Variants in HCN2 observed in about 807,000 individuals in gnomAD.
The protein encoded by HCN2 is hyperpolarization activated cyclic nucleotide gated potassium and sodium channel 2.
A neutral mutation model predicts 52.3 loss-of-function variants in HCN2; 20 were observed. The ratio of observed to expected loss-of-function variants is 0.38; its 90% CI spans 0.27 to 0.56. The LOEUF (loss-of-function observed/expected upper bound fraction) is 0.56. HCN2 is among the 20% of genes least tolerant of loss of function. The pLI is 0.71. For missense variants in HCN2, 981 were observed against 1,207.7 expected (o/e 0.81, Z 2.78); for synonymous variants, 694 against 537.0 (o/e 1.29, Z -4.04).
In HCN2 at chr19:603,625, T is replaced by C. The variant is rs56342526; in HGVS notation, c.714T>C (p.Asp238=). ...IIPVGITFFK[D]ETTAPWIVFN... Reference sequence around the variant, plus strand: ...CAGTGGGCATCACCTTCTTCAAGGATGAGACCACTGCCCCGTGGATCGTGT... The same window carrying C: ...CAGTGGGCATCACCTTCTTCAAGGACGAGACCACTGCCCCGTGGATCGTGT... Residue 238 remains aspartate, a synonymous_variant, in exon 2 of 8, where the codon GAT becomes GAC. Transcript: ENST00000251287. The C allele has an allele frequency of 0.13, 211,109 of 1,606,572 alleles. 18,760 individuals carry two copies. The highest frequency in any genetic ancestry group is 0.36 in the South Asian group (32,788 of 90,562).
chr19:590,865 C>T lies in HCN2; in HGVS notation c.632+288C>T, dbSNP rs1181463683. 1 of 224,600 alleles carries T rather than the reference C, an allele frequency of 4.5e-6. No homozygotes were observed. Among genetic ancestry groups the T allele is most frequent in the African/African-American group, 2.3e-5 (1 of 43,444 alleles). The allele number at this position is 224,600 out of a possible 1,614,324, so 13.9% of individuals were successfully genotyped here. On this transcript the variant is annotated intron_variant, in intron 1 of 7. Transcript: ENST00000251287. The surrounding 1 kb of genome is among the most constrained non-coding windows in gnomAD (Gnocchi z 7.2). Reference sequence around the variant, plus strand: ...GTGGGGTGGGCCGCAGGGCCAGGGTCTGAGCGCAGAGGGGCAGAGAGGACG... The same window carrying T: ...GTGGGGTGGGCCGCAGGGCCAGGGTTTGAGCGCAGAGGGGCAGAGAGGACG...
intron 1 of HCN2, among the ~76,000 whole-genome samples, chr19:602,962 C>G (rs896082103): frequency 5.3e-5 from 5 of 94,362 alleles, no homozygotes; most frequent in Non-Finnish European, 1.2e-4. Context: ...GGGGAAGGCA[C>G]CGGCCTGAGC....
chr19:595,942 C>T (rs1983017372), intron 1 of HCN2, among the ~76,000 whole-genome samples: 1 of 152,156 alleles, frequency 6.6e-6, no homozygotes, highest in South Asian at 2.1e-4. Context: ...GCGGGGAGGG[C>T]CTGGCTGCCC....
At chr19:612,481 T>G (rs1490897966) in intron 5 of HCN2, among the ~76,000 whole-genome samples, 1 of 151,432 alleles carries the variant, frequency 6.6e-6, no homozygotes, top group African/African-American at 2.4e-5. Context: ...AGTTGTGTGA[T>G]CTTGGTTCAC....
At position 590,438 on chromosome 19, in the gene HCN2, C is replaced by T; in HGVS notation, c.493C>T (p.Arg165Cys). The part of the protein sequence containing the change: ...PRGSQASFMQ[R>C]QFGALLQPGV... Reference sequence around the variant, plus strand: ...CGGCAGCCAGGCCAGCTTCATGCAGCGCCAGTTCGGCGCGCTCCTGCAGCC... The same window carrying T: ...CGGCAGCCAGGCCAGCTTCATGCAGTGCCAGTTCGGCGCGCTCCTGCAGCC... The change falls in exon 1 of 8, where the codon CGC (arginine) becomes TGC (cysteine). Residue 165 changes from arginine to cysteine, a missense_variant. Physicochemically the swap from Arg to Cys is radical, Grantham distance 180. Around this residue, in one of 6 missense-constraint regions of HCN2, gnomAD observed 215 missense variants for 179.4 expected, o/e 1.20. Transcript: ENST00000251287. The surrounding 1 kb of genome is among the most constrained non-coding windows in gnomAD (Gnocchi z 7.2). 6.7e-7 allele frequency: 1 copy of T among 1,496,786 alleles called. No individual in the cohort carries two copies. Among genetic ancestry groups the T allele is most frequent in the Non-Finnish European group, 9.0e-7 (1 of 1,116,540 alleles). 92.7% of individuals were successfully genotyped at this position (1,496,786 alleles called of 1,614,324 possible).
rs562745068 is a variant in HCN2 at position 613,337 on chromosome 19, C to T, written c.1674C>T (p.Thr558=). ...ADPNFVTAML[T]KLKFEVFQPG... is the part of the protein sequence containing the mutation. ...CCAACTTCGTCACGGCCATGCTGAC[C>T]AAGCTCAAGTTCGAGGTCTTCCAGC... The change falls in exon 6 of 8, where the codon ACC becomes ACT. Residue 558 remains threonine (T), a synonymous_variant. Coordinates refer to ENST00000251287, the MANE Select transcript of HCN2 (RefSeq NM_001194.4). 3 of 1,613,084 alleles carry T rather than the reference C, an allele frequency of 1.9e-6. No individual in the cohort carries two copies. The highest frequency in any genetic ancestry group is 4.5e-5 in the East Asian group (2 of 44,822).
At position 613,100 on chromosome 19, in the gene HCN2, C is replaced by T. The variant is rs1043772612; in HGVS notation, c.1585-148C>T. On this transcript the variant is annotated intron_variant, in intron 5 of 7. Transcript: ENST00000251287. ...CGTTTTTTCTTTCTCCCGTCCTTGG[C>T]GGCAGCAGCTCGGTTCCGGCTACGG... is the stretch of plus-strand genomic sequence containing the variant. 49 of 1,064,568 alleles carry T rather than the reference C, an allele frequency of 4.6e-5. No individual in the cohort carries two copies. In the African/African-American group the frequency reaches 6.7e-4, roughly 15 times the overall value. 65.9% of individuals were successfully genotyped at this position (1,064,568 alleles called of 1,614,324 possible). A position where few individuals can be genotyped will look rare whatever the true frequency, so the allele number is the denominator to read the frequency against.
rs767819067 is a variant in HCN2 at position 613,500 on chromosome 19, G to A, written c.1825+12G>A. On this transcript the variant is annotated intron_variant, in intron 6 of 7. Coordinates refer to ENST00000251287, the MANE Select transcript of HCN2 (RefSeq NM_001194.4). ...CTCCTACTTCGGGGGTGAGCTTGAG[G>A]GGGGCGCGCCTGGAGGGGGAGGGGG... 2 of 1,579,810 alleles carry A rather than the reference G, an allele frequency of 1.3e-6. No homozygotes were observed. The highest frequency in any genetic ancestry group is 1.7e-5 in the Admixed American group (1 of 58,438).
intron 2 of HCN2, 49 bp from the exon 3 acceptor site, chr19:605,011 TG>T (rs762884094): frequency 1.4e-5 from 17 of 1,191,134 alleles, no homozygotes; most frequent in Non-Finnish European, 1.8e-5. Flanking sequence ...GCTCTGAAGG[TG>T]GGGGCCGGGG....
At chr19:598,782 G>T (rs1296408152) in intron 1 of HCN2, among the ~76,000 whole-genome samples, 1 of 151,898 alleles carries the variant, frequency 6.6e-6, no homozygotes, top group Non-Finnish European at 1.5e-5. Context: ...ATACATTTTT[G>T]TATTTTTAGT....
chr19:597,380 G>A (rs544580751), intron 1 of HCN2, among the ~76,000 whole-genome samples: 1 of 152,370 alleles, frequency 6.6e-6, no homozygotes, highest in African/African-American at 2.4e-5. Context: ...AATAAAGGGG[G>A]AGAATGTCTG....
chr19:613,810 G>T (rs758223101), intron 6 of HCN2, 42 bp from the exon 7 acceptor site: 2 of 1,458,406 alleles, frequency 1.4e-6, no homozygotes, highest in Non-Finnish European at 1.8e-6. Flanking sequence ...GGGCCGCGGC[G>T]CCCGCCTCGT....
At chr19:612,710 C>T (rs915601779) in intron 5 of HCN2, among the ~76,000 whole-genome samples, 3 of 150,946 alleles carry the variant, frequency 2.0e-5, no homozygotes, top group South Asian at 2.1e-4. Flanking sequence ...CCACCACGCC[C>T]GGCCTTATTT....
chr19:608,972 C>T (rs1242337122), intron 4 of HCN2, among the ~76,000 whole-genome samples: 1 of 152,190 alleles, frequency 6.6e-6, no homozygotes, highest in Non-Finnish European at 1.5e-5. Flanking sequence ...CCATTGGCAG[C>T]CCCTGGAGTT....
rs1982867098 is a variant in HCN2 at position 591,357 on chromosome 19, GGT to G, written c.632+785_632+786del. ...CGGGGCGCGAGCCTGTGGCCGGAGA[GGT>G]GTGTCTCCAGGAGTGTGTTTGCGTG... On this transcript the variant is annotated intron_variant, in intron 1 of 7. Transcript: ENST00000251287. This position sits in a 1 kb window ranked among gnomAD's most constrained non-coding sequence, Gnocchi z 4.1. 1 of 152,402 alleles carries G rather than the reference GGT, an allele frequency of 6.6e-6. No homozygotes were observed. Among genetic ancestry groups the G allele is most frequent in the Admixed American group, 6.5e-5 (1 of 15,290 alleles). The allele number at this position is 152,402 out of a possible 1,614,324, so 9.4% of individuals were successfully genotyped here. A position where few individuals can be genotyped will look rare whatever the true frequency, so the allele number is the denominator to read the frequency against.
At chr19:593,575 G>A (rs1414443146) in intron 1 of HCN2, among the ~76,000 whole-genome samples, 2 of 152,280 alleles carry the variant, frequency 1.3e-5, no homozygotes, top group East Asian at 1.9e-4. Context: ...AGCCGAGATC[G>A]CGCTGCTGCA....
intron 1 of HCN2, among the ~76,000 whole-genome samples, chr19:603,176 C>G (rs1600524557): frequency 1.9e-5 from 2 of 102,720 alleles, no homozygotes; most frequent in Admixed American, 2.5e-4. Context: ...GGGCTGGTCC[C>G]ATAGGTGCCT....
At chr19:606,021 C>T (rs7252617) in intron 3 of HCN2, among the ~76,000 whole-genome samples, 30,977 of 152,216 alleles carry the variant, frequency 0.2, 3,527 homozygotes, top group South Asian at 0.39. Context: ...TATGATGAGT[C>T]CTGTCACCCA....
chr19:593,577 GCTGCTGCA>G (rs1982936849), intron 1 of HCN2, among the ~76,000 whole-genome samples: 2 of 152,158 alleles, frequency 1.3e-5, no homozygotes, highest in Admixed American at 1.3e-4. Context: ...CCGAGATCGC[GCTGCTGCA>G]CTCCAGCCTG....
Sources: gnomAD v4.1 joint callset for allele counts (sites outside exome capture counted in the v4.1 genomes callset) on GRCh38, gnomAD v4.1.1 for gene constraint, gnomAD v4.1.1 regional missense constraint, Gnocchi (gnomAD v3.1) non-coding constraint, MANE v1.5 for transcripts, NCBI Gene and HGNC (gene_info 2026-07-23, HGNC 2026-07-21) for gene names.